IFRD1: variants seen among roughly 807,000 people sequenced by gnomAD.
IFRD1 encodes the protein interferon related developmental regulator 1.
Under a neutral mutation model 52.9 loss-of-function variants are expected in IFRD1, and 35 were observed. The observed-to-expected ratio is 0.66, with a 90% confidence interval of 0.51 to 0.88. IFRD1 has a LOEUF of 0.88. IFRD1 is among the 40% of genes least tolerant of loss of function. The probability of loss-of-function intolerance (pLI) is 0.00; values close to 1 mark genes in which losing one functional copy is unlikely to be tolerated. For synonymous variants in IFRD1, 184 were observed against 188.4 expected (o/e 0.98, Z 0.19); for missense variants, 517 against 550.8 (o/e 0.94, Z 0.61).
intron 9 of IFRD1, 86 bp downstream of exon 9, chr7:112,468,201 T>C: frequency 7.2e-7 from 1 of 1,393,378 alleles, no homozygotes; most frequent in Middle Eastern, 1.8e-4. Flanking sequence ...ATTTTGTTGA[T>C]TGAATTTCAC....
At chr7:112,449,077 A>G (rs1263091965), upstream of IFRD1, among the ~76,000 whole-genome samples, 1 of 152,240 alleles carries the variant, frequency 6.6e-6, no homozygotes, top group Non-Finnish European at 1.5e-5. Flanking sequence ...TTGAGCAACT[A>G]TTAAAGCAGG....
upstream of IFRD1, among the ~76,000 whole-genome samples, chr7:112,449,535 A>G (rs1795098560): frequency 6.6e-6 from 1 of 152,206 alleles, no homozygotes; most frequent in African/African-American, 2.4e-5. Context: ...TTGATCTGTC[A>G]TAAGCATAGT....
At chr7:112,468,744 C>A (rs982301031) in intron 9 of IFRD1, among the ~76,000 whole-genome samples, 3 of 152,176 alleles carry the variant, frequency 2.0e-5, no homozygotes, top group Admixed American at 2.0e-4. Flanking sequence ...GTGATCCACC[C>A]GCATCGGCCT....
chr7:112,474,214 C>T (rs1167713163), intron 11 of IFRD1, among the ~76,000 whole-genome samples: 2 of 152,196 alleles, frequency 1.3e-5, no homozygotes, highest in African/African-American at 4.8e-5. Context: ...TGAACATTCA[C>T]ATACAAAATT....
upstream of IFRD1, among the ~76,000 whole-genome samples, chr7:112,448,139 A>AG (rs1795071248): frequency 6.6e-6 from 1 of 151,500 alleles, no homozygotes; most frequent in African/African-American, 2.4e-5. Context: ...AAAAAAAAAA[A>AG]AAAGAAAGAA....
intron 1 of IFRD1, among the ~76,000 whole-genome samples, chr7:112,440,941 G>A (rs1455363032): frequency 6.6e-6 from 1 of 152,132 alleles, no homozygotes; most frequent in Non-Finnish European, 1.5e-5. Flanking sequence ...TTCCAGACCA[G>A]CCTTGGAAAC....
At chr7:112,452,155 C>CT (rs11299789) in intron 1 of IFRD1, 4,811 of 756,880 alleles carry the variant, frequency 6.4e-3, no homozygotes, top group Middle Eastern at 0.012. Context: ...ATTGAGGATA[C>CT]TTTTTTTTTT....
intron 8 of IFRD1, 31 bp from the exon 9 acceptor site, chr7:112,467,950 T>C (rs1388601197): frequency 6.2e-7 from 1 of 1,608,190 alleles, no homozygotes; most frequent in Non-Finnish European, 8.5e-7. Context: ...AAAATAATAA[T>C]AAAGGAAACA....
Position 112,476,386 on chromosome 7 carries a change from G to T in IFRD1, c.*867G>T, listed in dbSNP as rs1795903846. On this transcript the variant is annotated 3_prime_UTR_variant, in exon 12 of 12. Transcript: ENST00000403825. ...CAAGAATATTTCTGCTTGGCAACAT[G>T]CAGTGTGGCTCATGCCTATAATCAG... The T allele has an allele frequency of 6.6e-6, 1 of 152,228 alleles. No individual in the cohort carries two copies. Among genetic ancestry groups the T allele is most frequent in the African/African-American group, 2.4e-5 (1 of 41,448 alleles). The allele number at this position is 152,228 out of a possible 1,614,324, so 9.4% of individuals were successfully genotyped here.
intron 1 of IFRD1, among the ~76,000 whole-genome samples, chr7:112,454,518 A>G (rs1795240935): frequency 6.6e-6 from 1 of 152,180 alleles, no homozygotes; most frequent in Non-Finnish European, 1.5e-5. Context: ...AAACTCTTGC[A>G]CATTGTAGAA....
Position 112,456,897 on chromosome 7 carries a change from C to A in IFRD1, c.285-17C>A. ...CTCCAACTGGATCTTCTTTCTCTTA[C>A]ATTGGGTGTTAAATAGTGCGAAGAC... is the stretch of plus-strand genomic sequence containing the variant. On this transcript the variant is annotated splice_polypyrimidine_tract_variant and intron_variant, in intron 3 of 11. Transcript: ENST00000403825. 1.2e-6 allele frequency: 2 copies of A among 1,611,774 alleles called. No homozygotes were observed. The highest frequency in any genetic ancestry group is 1.7e-6 in the Non-Finnish European group (2 of 1,178,044).
At chr7:112,451,917 G>A (rs1421434387) in intron 1 of IFRD1, 1 of 702,614 alleles carries the variant, frequency 1.4e-6, no homozygotes. Flanking sequence ...GTAAATATGG[G>A]GTTATGTTGT....
upstream of IFRD1, among the ~76,000 whole-genome samples, chr7:112,448,784 C>T (rs961627262): frequency 3.3e-5 from 5 of 152,178 alleles, no homozygotes; most frequent in African/African-American, 1.2e-4. Context: ...AAACTTCTGG[C>T]TGGAGGCTTC....
At chr7:112,463,869 CACACACACACACACACACACACACA>C (rs1318049212) in intron 8 of IFRD1, among the ~76,000 whole-genome samples, 4 of 41,138 alleles carry the variant, frequency 9.7e-5, no homozygotes, top group Admixed American at 4.8e-4. Context: ...CACACACACA[CACACACACACACACACACACACACA>C]CCCCACGTAT....
chr7:112,460,159 TC>T (rs1795398430), intron 5 of IFRD1, among the ~76,000 whole-genome samples: 1 of 152,102 alleles, frequency 6.6e-6, no homozygotes, highest in Admixed American at 6.5e-5. Flanking sequence ...TTTCCATACT[TC>T]CAAGTTGCTG....
chr7:112,425,656 T>A (rs1341627556), intron 1 of IFRD1, among the ~76,000 whole-genome samples: 1 of 152,202 alleles, frequency 6.6e-6, no homozygotes, highest in Non-Finnish European at 1.5e-5. Flanking sequence ...GTTCTCCAGC[T>A]GACAGGTGGC....
upstream of IFRD1, among the ~76,000 whole-genome samples, chr7:112,448,851 A>C (rs1795086508): frequency 6.6e-6 from 1 of 152,228 alleles, no homozygotes; most frequent in Non-Finnish European, 1.5e-5. Flanking sequence ...CTTAAGGTGA[A>C]GATGGGAGGA....
chr7:112,463,870 ACACACACACACACACACACACACAC>A (rs1462415149), intron 8 of IFRD1, among the ~76,000 whole-genome samples: 5 of 43,244 alleles, frequency 1.2e-4, no homozygotes, highest in South Asian at 5.4e-4. Flanking sequence ...ACACACACAC[ACACACACACACACACACACACACAC>A]CCCACGTATC....
chr7:112,423,852 A>G (rs1794372741), intron 1 of IFRD1, among the ~76,000 whole-genome samples: 1 of 152,178 alleles, frequency 6.6e-6, no homozygotes, highest in African/African-American at 2.4e-5. Flanking sequence ...TGGATTTATC[A>G]TGTACATCTG....
Sources: allele counts gnomAD v4.1 joint callset (sites outside exome capture counted in the v4.1 genomes callset), GRCh38; gene constraint gnomAD v4.1.1; transcripts MANE v1.5; gene names NCBI Gene and HGNC (gene_info 2026-07-23, HGNC 2026-07-21).